DMD: variants seen among roughly 807,000 people sequenced by gnomAD.
The protein encoded by DMD is mutant dystrophin.
In DMD, 63 loss-of-function variants were observed where a neutral mutation model predicts 330.1. The ratio of observed to expected loss-of-function variants is 0.19; its 90% CI spans 0.16 to 0.24. The LOEUF (loss-of-function observed/expected upper bound fraction) is 0.24. Among genes scored for constraint, DMD ranks in the 10% least tolerant of loss-of-function variants. The pLI, the probability that DMD is intolerant of heterozygous loss-of-function variation, is 1.00. For synonymous variants in DMD, 1,223 were observed against 959.8 expected, an observed-to-expected ratio of 1.27 and a Z score of -5.07; for missense variants, 3,344 against 2,684.1, an observed-to-expected ratio of 1.25 and a Z score of -5.43.
chrX:32,584,601 G>A (rs144607374), intron 13 of DMD, among the ~76,000 whole-genome samples: 2 of 112,070 alleles, frequency 1.8e-5, no homozygotes, highest in African/African-American at 6.5e-5. Context: ...AATTAATAAA[G>A]TAATGCTATA....
At chrX:32,389,747 T>C in intron 31 of DMD, 73 bp from the exon 32 acceptor site, 2 of 975,177 alleles carry the variant, frequency 2.1e-6, no homozygotes, top group African/African-American at 3.8e-5. Context: ...TTTTTATTGA[T>C]AGATCTGCCT....
chrX:32,570,349 T>G (rs1218508309), intron 15 of DMD, among the ~76,000 whole-genome samples: 3 of 112,054 alleles, frequency 2.7e-5, no homozygotes. Context: ...TGTCAGGTTT[T>G]GTTAATTGGC....
At chrX:32,730,727 T>A (rs1048747391) in intron 7 of DMD, among the ~76,000 whole-genome samples, 2 of 112,135 alleles carry the variant, frequency 1.8e-5, no homozygotes, top group Non-Finnish European at 3.8e-5. Context: ...TGAAGTTACA[T>A]GATGAAATTA....
rs763381025 is a variant in DMD at position 32,508,955 on chromosome X, C to T, written c.2293-7113G>A. On this transcript the variant is annotated intron_variant, in intron 18 of 78. Transcript: ENST00000357033. ...CCTCCTGAGTAGCTGGGACTACAGG[C>T]GCCCGCAACCATGCCCGGCTAATTT... Among the ~76,000 whole-genome samples, 16 of 109,817 alleles carry T rather than the reference C, an allele frequency of 1.5e-4. No individual in the cohort carries two copies. The South Asian group carries it at 3.2e-3, about 22-fold the overall frequency.
intron 9 of DMD, among the ~76,000 whole-genome samples, chrX:32,673,193 G>A (rs779590707): frequency 9.0e-6 from 1 of 110,755 alleles, no homozygotes; most frequent in African/African-American, 3.3e-5. Context: ...CTATAATGTG[G>A]AACAGGCTGA....
chrX:32,654,949 G>C (rs930543772), intron 9 of DMD, among the ~76,000 whole-genome samples: 1 of 111,974 alleles, frequency 8.9e-6, no homozygotes, highest in Non-Finnish European at 1.9e-5. Context: ...GGTGTTTACA[G>C]TTTTCTCTGA....
chrX:31,963,659 A>G (rs1458577862), intron 45 of DMD, among the ~76,000 whole-genome samples: 1 of 111,216 alleles, frequency 9.0e-6, no homozygotes, highest in Non-Finnish European at 1.9e-5. Context: ...GGGATAGGCA[A>G]AGTCCAAGGT....
At chrX:32,003,991 T>A in intron 44 of DMD, among the ~76,000 whole-genome samples, 1 of 111,542 alleles carries the variant, frequency 9.0e-6, no homozygotes, top group East Asian at 2.8e-4. Context: ...ATAGTACATT[T>A]CAGTTTATAA....
intron 44 of DMD, among the ~76,000 whole-genome samples, chrX:32,033,639 AAG>A (rs1320147502): frequency 1.5e-5 from 1 of 66,546 alleles, no homozygotes; most frequent in Non-Finnish European, 2.7e-5. Flanking sequence ...GAAAGAAAGA[AAG>A]AAAGAAAGAA....
At chrX:32,594,403 C>A (rs775618140) in intron 13 of DMD, among the ~76,000 whole-genome samples, 3 of 111,289 alleles carry the variant, frequency 2.7e-5, no homozygotes, top group Non-Finnish European at 3.8e-5. Context: ...GATGGGCACT[C>A]AACACTAATA....
intron 76 of DMD, among the ~76,000 whole-genome samples, chrX:31,137,786 C>T (rs2035452342): frequency 9.0e-6 from 1 of 110,597 alleles, no homozygotes; most frequent in African/African-American, 3.3e-5. Flanking sequence ...AGAGGGCTAG[C>T]AAGGGACAAT....
chrX:32,883,449 C>T (rs1233823682), intron 2 of DMD, among the ~76,000 whole-genome samples: 1 of 111,000 alleles, frequency 9.0e-6, no homozygotes, highest in Admixed American at 9.6e-5. Flanking sequence ...TTCCCTTTAA[C>T]TTTGGAATTT....
At chrX:32,160,922 G>A (rs780938897) in intron 44 of DMD, among the ~76,000 whole-genome samples, 1 of 111,436 alleles carries the variant, frequency 9.0e-6, no homozygotes, top group African/African-American at 3.3e-5. Flanking sequence ...GCAGAGGATT[G>A]TCCTTTGGTG....
chrX:32,095,643 A>G (rs2096500439), intron 44 of DMD, among the ~76,000 whole-genome samples: 1 of 112,456 alleles, frequency 8.9e-6, no homozygotes, highest in African/African-American at 3.2e-5. Context: ...ATTTTCTTAT[A>G]AATTTTGTAA....
chrX:31,875,251 A>G lies in DMD; in HGVS notation c.7035T>C (p.Ser2345=), dbSNP rs756961003. 6 of 1,207,460 alleles carry G rather than the reference A, an allele frequency of 5.0e-6. No individual in the cohort carries two copies. The South Asian group carries it at 5.3e-5, about 11-fold the overall frequency. ...AAATTTCCAACTGATTCCTAATAGG[A>G]GATAACCACAGCAGCAGATGATTTA... The part of the protein sequence containing the change: ...EQLNHLLLWL[S]PIRNQLEIYN... The change falls in exon 48 of 79, where the codon TCT becomes TCC. Residue 2345 remains serine, a synonymous_variant. Transcript: ENST00000357033.
chrX:31,750,737 C>T (rs1290759330), intron 51 of DMD, among the ~76,000 whole-genome samples: 5 of 108,388 alleles, frequency 4.6e-5, no homozygotes, highest in Non-Finnish European at 7.6e-5. Context: ...GATTGTATAT[C>T]TAGAAAACCC....
At chrX:32,591,931 G>T (rs1219124009) in intron 13 of DMD, among the ~76,000 whole-genome samples, 1 of 112,850 alleles carries the variant, frequency 8.9e-6, no homozygotes, top group African/African-American at 3.2e-5. Context: ...ACCAGGTGTT[G>T]TCGCAACCTG....
intron 60 of DMD, among the ~76,000 whole-genome samples, chrX:31,425,718 A>ACACACACACACACACACACACACACACGC: frequency 9.2e-6 from 1 of 108,532 alleles, no homozygotes; most frequent in African/African-American, 3.3e-5. Flanking sequence ...ACACGCACAC[A>ACACACACACACACACACACACACACACGC]ATACAGTTAT....
In DMD at chrX:31,606,907, A is replaced by G. The variant is rs140733282; in HGVS notation, c.8217+20766T>C. Among the ~76,000 whole-genome samples, 64 of 112,123 alleles carry G rather than the reference A, an allele frequency of 5.7e-4. 2 individuals carry two copies. The highest frequency in any genetic ancestry group is 1.9e-3 in the African/African-American group (59 of 30,960). Reference sequence around the variant, plus strand: ...AAATCTCTGGAAGAGAGCATTCACAAATAAATTCCGATCAACAGATTGCAT... The same window carrying G: ...AAATCTCTGGAAGAGAGCATTCACAGATAAATTCCGATCAACAGATTGCAT... On this transcript the variant is annotated intron_variant, in intron 55 of 78. Transcript: ENST00000357033.
Sources: allele counts gnomAD v4.1 joint callset (sites outside exome capture counted in the v4.1 genomes callset), GRCh38; gene constraint gnomAD v4.1.1; transcripts MANE v1.5; gene names NCBI Gene and HGNC (gene_info 2026-07-23, HGNC 2026-07-21).